PTBP3: variants seen among roughly 807,000 people sequenced by gnomAD.
PTBP3 encodes polypyrimidine tract binding protein 3, also known as polypyrimidine tract-binding protein 3.
Under a neutral mutation model 58.7 loss-of-function variants are expected in PTBP3, and 20 were observed. The observed-to-expected ratio is 0.34, with a 90% confidence interval of 0.24 to 0.50. The LOEUF (loss-of-function observed/expected upper bound fraction) is 0.50. Among genes scored for constraint, PTBP3 ranks in the 20% least tolerant of loss-of-function variants. PTBP3 has a pLI of 0.98. For missense variants in PTBP3, 509 were observed against 637.2 expected, an observed-to-expected ratio of 0.80 and a Z score of 2.17; for synonymous variants, 185 against 219.8, an observed-to-expected ratio of 0.84 and a Z score of 1.40.
chr9:112,303,746 C>A (rs1829048644), intron 1 of PTBP3, among the ~76,000 whole-genome samples: 1 of 152,032 alleles, frequency 6.6e-6, no homozygotes, highest in South Asian at 2.1e-4. Context: ...CAACTCTAGC[C>A]CCAGCTACTC....
the PTBP3 span, among the ~76,000 whole-genome samples, chr9:112,365,942 T>G: frequency 3.6e-4 from 55 of 152,180 alleles, no homozygotes; most frequent in Middle Eastern, 3.4e-3. Context: ...AGCGTGACAA[T>G]GCGATAGAAA....
the PTBP3 span, among the ~76,000 whole-genome samples, chr9:112,379,776 G>A: frequency 6.6e-6 from 1 of 152,266 alleles, no homozygotes; most frequent in Non-Finnish European, 1.5e-5. Flanking sequence ...CTGGAACACA[G>A]CGGCGCGAGG....
the PTBP3 span, among the ~76,000 whole-genome samples, chr9:112,365,655 G>C: frequency 1.3e-5 from 2 of 152,136 alleles, no homozygotes; most frequent in East Asian, 1.9e-4. Flanking sequence ...AAAAGATACC[G>C]AAAAATGTGG....
intron 1 of PTBP3, chr9:112,333,164 G>A: frequency 8.4e-7 from 1 of 1,184,228 alleles, no homozygotes. Flanking sequence ...GGCGCGGAGG[G>A]CGGACCTCGG....
chr9:112,298,333 T>C (rs1297092248), intron 1 of PTBP3, among the ~76,000 whole-genome samples: 1 of 152,186 alleles, frequency 6.6e-6, no homozygotes, highest in Non-Finnish European at 1.5e-5. Flanking sequence ...ATATACTTCA[T>C]TTCCATACTG....
rs187331813 is a variant in PTBP3, at chr9:112,218,583, G to A, written c.*5268C>T. On this transcript the variant is annotated 3_prime_UTR_variant, in exon 14 of 14. Transcript: ENST00000374257. Reference sequence around the variant, plus strand: ...AATATACTGTAGTGTACAGAAGCTTGAATTAACCATGCACTACGCATTTAG... The same window carrying A: ...AATATACTGTAGTGTACAGAAGCTTAAATTAACCATGCACTACGCATTTAG... 6.6e-6 allele frequency: 1 copy of A among 152,624 alleles called. No individual in the cohort carries two copies. Among genetic ancestry groups the A allele is most frequent in the Non-Finnish European group, 1.5e-5 (1 of 68,022 alleles). 9.5% of individuals were successfully genotyped at this position (152,624 alleles called of 1,614,324 possible).
intron 2 of PTBP3, among the ~76,000 whole-genome samples, chr9:112,283,208 A>G (rs893912582): frequency 4.6e-5 from 7 of 152,258 alleles, no homozygotes; most frequent in Non-Finnish European, 1.0e-4. Context: ...ACTGCTATAA[A>G]GATACCTGAA....
chr9:112,259,242 C>T (rs1589833644), intron 5 of PTBP3, among the ~76,000 whole-genome samples: 1 of 152,120 alleles, frequency 6.6e-6, no homozygotes, highest in East Asian at 1.9e-4. Flanking sequence ...CGTGAGCCAC[C>T]ACACCTGGCC....
chr9:112,268,847 T>A (rs866720821), intron 3 of PTBP3, among the ~76,000 whole-genome samples: 1 of 151,994 alleles, frequency 6.6e-6, no homozygotes, highest in African/African-American at 2.4e-5. Context: ...AATGTGTACA[T>A]CACCATTGTA....
chr9:112,308,667 T>C (rs1038928186), intron 1 of PTBP3, among the ~76,000 whole-genome samples: 2 of 151,988 alleles, frequency 1.3e-5, no homozygotes, highest in Non-Finnish European at 2.9e-5. Context: ...GTACCACGGG[T>C]AAACAAATTA....
rs1834781781 is a variant in PTBP3 at position 112,220,823 on chromosome 9, T to C, written c.*3028A>G. The C allele has an allele frequency of 2.1e-6, 2 of 973,498 alleles. No homozygotes were observed. The highest frequency in any genetic ancestry group is 2.4e-6 in the Non-Finnish European group (2 of 819,230). The allele number at this position is 973,498 out of a possible 1,614,324, so 60.3% of individuals were successfully genotyped here. ...TTTAAAGTCCTGAATATATATACTT[T>C]GTGTAGAAGTCAAGACACCTTGAAA... On this transcript the variant is annotated 3_prime_UTR_variant, in exon 14 of 14. Coordinates refer to ENST00000374257, the MANE Select transcript of PTBP3 (RefSeq NM_001163788.4).
intron 1 of PTBP3, among the ~76,000 whole-genome samples, chr9:112,302,738 G>A (rs1169682978): frequency 2.6e-5 from 4 of 151,776 alleles, no homozygotes; most frequent in South Asian, 2.1e-4. Flanking sequence ...ACAGGTGTCC[G>A]CCCACAACAC....
At chr9:112,319,688 G>A (rs1829843308) in intron 1 of PTBP3, among the ~76,000 whole-genome samples, 1 of 143,956 alleles carries the variant, frequency 6.9e-6, no homozygotes, top group East Asian at 2.0e-4. Flanking sequence ...ATATCCAGAG[G>A]AAATGGAGTC....
At chr9:112,300,143 A>G (rs1828855351) in intron 1 of PTBP3, among the ~76,000 whole-genome samples, 1 of 152,236 alleles carries the variant, frequency 6.6e-6, no homozygotes, top group Admixed American at 6.5e-5. Context: ...GGAGTTAAGT[A>G]TAATTTAGTG....
chr9:112,226,254 T>C (rs186695033), intron 12 of PTBP3, among the ~76,000 whole-genome samples: 4 of 152,086 alleles, frequency 2.6e-5, no homozygotes, highest in Admixed American at 1.3e-4. Flanking sequence ...CTGCCCCACT[T>C]GGATTCAAGG....
intron 1 of PTBP3, among the ~76,000 whole-genome samples, chr9:112,313,035 C>T (rs1829554798): frequency 6.6e-6 from 1 of 151,366 alleles, no homozygotes; most frequent in East Asian, 2.0e-4. Context: ...CAGCAAGACA[C>T]TGTTTCAAAG....
At chr9:112,345,573 G>T in the PTBP3 span, among the ~76,000 whole-genome samples, 4 of 151,372 alleles carry the variant, frequency 2.6e-5, no homozygotes, top group Non-Finnish European at 1.5e-5. Flanking sequence ...GTAGAGTTGG[G>T]GTTTTACCAT....
At chr9:112,224,042 T>C (rs943827480) in intron 13 of PTBP3, 59 bp from the exon 14 acceptor site, 10 of 1,571,686 alleles carry the variant, frequency 6.4e-6, no homozygotes, top group Non-Finnish European at 8.7e-6. Flanking sequence ...TCCAAACTCC[T>C]TCCTCCACCA....
intron 4 of PTBP3, among the ~76,000 whole-genome samples, chr9:112,266,058 T>G (rs1184572379): frequency 6.6e-6 from 1 of 152,182 alleles, no homozygotes; most frequent in Non-Finnish European, 1.5e-5. Flanking sequence ...ATTTAAAAAT[T>G]CATAGAGACT....
Sources: gnomAD v4.1 joint callset for allele counts (sites outside exome capture counted in the v4.1 genomes callset) on GRCh38, gnomAD v4.1.1 for gene constraint, MANE v1.5 for transcripts, NCBI Gene and HGNC (gene_info 2026-07-23, HGNC 2026-07-21) for gene names.